The following TDRD9 variants were observed in gnomAD, a reference collection of about 807,000 sequenced individuals.
TDRD9 encodes ATP-dependent RNA helicase TDRD9.
In TDRD9, 124 loss-of-function variants were observed where a neutral mutation model predicts 172.6. That is an observed-to-expected ratio of 0.72 (90% CI 0.62 to 0.83). The LOEUF is 0.83. Ranked by LOEUF, TDRD9 falls within the 40% of genes least tolerant of loss-of-function variation. The probability of loss-of-function intolerance (pLI) is 0.00; values close to 1 mark genes in which losing one functional copy is unlikely to be tolerated. For missense variants in TDRD9, 1,479 were observed against 1,714.1 expected, an observed-to-expected ratio of 0.86 and a Z score of 2.42; for synonymous variants, 619 against 617.1, an observed-to-expected ratio of 1.00 and a Z score of -0.05.
At chr14:104,038,703 GTCTCAC>G (rs2035525280) in intron 32 of TDRD9, among the ~76,000 whole-genome samples, 2 of 151,980 alleles carry the variant, frequency 1.3e-5, no homozygotes, top group Non-Finnish European at 2.9e-5. Context: ...TTGAGTTGGA[GTCTCAC>G]TCTGTCACCC....
chr14:103,998,582 C>T (rs562849397), intron 12 of TDRD9, 42 bp from the exon 13 acceptor site: 1 of 1,038,208 alleles, frequency 9.6e-7, no homozygotes, highest in East Asian at 2.4e-5. Context: ...GCAATGATCT[C>T]TTATTAGCAT....
chr14:103,947,781 A>G (rs1213704922), intron 1 of TDRD9, among the ~76,000 whole-genome samples: 2 of 152,218 alleles, frequency 1.3e-5, no homozygotes, highest in African/African-American at 2.4e-5. Flanking sequence ...CTTAGGGGAA[A>G]ACTGAGGGCA....
rs116432296 is a variant in TDRD9 at position 103,931,878 on chromosome 14, C to T, written c.215+3154C>T. On this transcript the variant is annotated intron_variant, in intron 1 of 35. Transcript: ENST00000409874. ...ATGAGAGATTTGAAATATCATTGCT[C>T]GGAGGGGCCACATGGAAAGCATGAG... Among the ~76,000 whole-genome samples the T allele has an allele frequency of 3.7e-3, 561 of 152,164 alleles. 3 individuals carry two copies. The highest frequency in any genetic ancestry group is 0.013 in the African/African-American group (520 of 41,514).
chr14:103,991,414 T>C (rs890149455), intron 9 of TDRD9, among the ~76,000 whole-genome samples, 190 bp downstream of exon 9: 2 of 152,060 alleles, frequency 1.3e-5, no homozygotes, highest in African/African-American at 2.4e-5. Flanking sequence ...TTTTTTTTCC[T>C]TTTCCTTTTC....
At chr14:103,965,213 A>G in intron 3 of TDRD9, 120 bp from the exon 4 acceptor site, 2 of 1,099,292 alleles carry the variant, frequency 1.8e-6, no homozygotes, top group South Asian at 1.6e-5. Flanking sequence ...CTCCATCTCA[A>G]ACAAAACAAA....
intron 1 of TDRD9, among the ~76,000 whole-genome samples, chr14:103,938,541 C>A (rs1484621366): frequency 6.7e-6 from 1 of 149,000 alleles, no homozygotes; most frequent in Non-Finnish European, 1.5e-5. Flanking sequence ...CGGGTTCATG[C>A]CATTCTCCTG....
chr14:103,993,762 A>C (rs2033958419), intron 9 of TDRD9, among the ~76,000 whole-genome samples: 1 of 152,174 alleles, frequency 6.6e-6, no homozygotes, highest in African/African-American at 2.4e-5. Context: ...ATCTTAACTA[A>C]TTACATCTGC....
chr14:103,949,634 T>G (rs1441705979), intron 1 of TDRD9, among the ~76,000 whole-genome samples: 1 of 152,202 alleles, frequency 6.6e-6, no homozygotes, highest in Non-Finnish European at 1.5e-5. Context: ...CTTTGAAGGT[T>G]ATGACTCATG....
In TDRD9 at chr14:104,016,792, G is replaced by A. The variant is rs565089731; in HGVS notation, c.2331+704G>A. ...TATCTGATAAGGCGGGGTGAGAAGC[G>A]CTTGAAGTTCCTTCGTGTCATATCG... On this transcript the variant is annotated intron_variant, in intron 22 of 35. Coordinates refer to ENST00000409874, the MANE Select transcript of TDRD9 (RefSeq NM_153046.3). 1.2e-4 allele frequency among the ~76,000 whole-genome samples: 19 copies of A among 152,302 alleles called. No individual in the cohort carries two copies. The East Asian group carries it at 2.5e-3, about 20-fold the overall frequency.
chr14:104,022,091 A>G lies in TDRD9; in HGVS notation c.2433-66A>G, dbSNP rs2034972445. The stretch of plus-strand genomic sequence containing the variant: ...GTGACAGAATTTCTGTCTTGAGAGA[A>G]ATGAATATGCAGTTTTTAAACAGAT... On this transcript the variant is annotated intron_variant, in intron 23 of 35. Transcript: ENST00000409874. 8 of 1,298,466 alleles carry G rather than the reference A, an allele frequency of 6.2e-6. No homozygotes were observed. In the South Asian group the frequency reaches 8.5e-5, roughly 14 times the overall value. 80.4% of individuals were successfully genotyped at this position (1,298,466 alleles called of 1,614,324 possible). A position where few individuals can be genotyped will look rare whatever the true frequency, so the allele number is the denominator to read the frequency against.
intron 35 of TDRD9, among the ~76,000 whole-genome samples, chr14:104,051,760 G>A (rs1301381120): frequency 1.3e-5 from 2 of 152,144 alleles, no homozygotes; most frequent in East Asian, 1.9e-4. Context: ...TTTGAGAAGC[G>A]TTCATGTCTT....
At chr14:103,959,390 T>C (rs1285818155) in intron 2 of TDRD9, among the ~76,000 whole-genome samples, 1 of 151,910 alleles carries the variant, frequency 6.6e-6, no homozygotes, top group African/African-American at 2.4e-5. Flanking sequence ...GTCACCGTCA[T>C]GTCTGCTAAA....
chr14:103,931,968 A>AC (rs1345630621), intron 1 of TDRD9, among the ~76,000 whole-genome samples: 3 of 152,206 alleles, frequency 2.0e-5, no homozygotes, highest in African/African-American at 7.2e-5. Context: ...GGAAATGGGT[A>AC]CCTCAGTCCT....
At chr14:104,045,145 A>G (rs79331878) in intron 34 of TDRD9, among the ~76,000 whole-genome samples, 1 of 64,202 alleles carries the variant, frequency 1.6e-5, no homozygotes, top group Non-Finnish European at 3.6e-5. Context: ...CTCTATCAGG[A>G]AAAAAAAAAA....
chr14:103,968,584 C>A (rs1287486153), intron 5 of TDRD9, among the ~76,000 whole-genome samples: 1 of 146,260 alleles, frequency 6.8e-6, no homozygotes, highest in Non-Finnish European at 1.5e-5. Flanking sequence ...TTTGTGAGAT[C>A]AGGAGATCGA....
At chr14:103,994,910 T>G (rs972198977) in intron 11 of TDRD9, among the ~76,000 whole-genome samples, 1 of 150,512 alleles carries the variant, frequency 6.6e-6, no homozygotes, top group East Asian at 1.9e-4. Context: ...GAGATCACAC[T>G]GGTGCACTCC....
chr14:104,032,042 C>T lies in TDRD9; in HGVS notation c.3464C>T (p.Pro1155Leu). 1.9e-6 allele frequency: 3 copies of T among 1,549,132 alleles called. No homozygotes were observed. The highest frequency in any genetic ancestry group is 2.6e-6 in the Non-Finnish European group (3 of 1,146,304). ...GCAGAACTTCACGGGCCTTTTAACC[C>T]TTATGAACTAAAGTGCCATAGTTTG... ...CKAELHGPFNPYELKCHSLTR... is the reference protein window; with the variant it reads ...CKAELHGPFNLYELKCHSLTR... Residue 1155 changes from proline (P) to leucine (L), a missense_variant, in exon 30 of 36, where the codon CCT becomes CTT. This residue lies in a region of TDRD9 where 1,413 missense variants were observed against 1,649.1 expected (regional missense o/e 0.86). Coordinates refer to ENST00000409874, the MANE Select transcript of TDRD9 (RefSeq NM_153046.3).
At chr14:103,981,915 A>G (rs904339930) in intron 7 of TDRD9, among the ~76,000 whole-genome samples, 2 of 152,192 alleles carry the variant, frequency 1.3e-5, no homozygotes, top group African/African-American at 2.4e-5. Context: ...TATAGATCCT[A>G]TTATACAGCT....
At chr14:104,039,655 T>C (rs1056326071) in intron 32 of TDRD9, among the ~76,000 whole-genome samples, 3 of 152,196 alleles carry the variant, frequency 2.0e-5, no homozygotes, top group Non-Finnish European at 4.4e-5. Flanking sequence ...ATGGAGAGGC[T>C]ATTAGGGAGT....
Sources: allele counts gnomAD v4.1 joint callset (sites outside exome capture counted in the v4.1 genomes callset), GRCh38; gene constraint gnomAD v4.1.1; regional missense constraint gnomAD v4.1.1; transcripts MANE v1.5; gene names NCBI Gene and HGNC (gene_info 2026-07-23, HGNC 2026-07-21).